DCSTAMP: variants seen among roughly 807,000 people sequenced by gnomAD.
DCSTAMP encodes the protein dendrocyte expressed seven transmembrane protein.
Under a neutral mutation model 33.8 loss-of-function variants are expected in DCSTAMP, and 25 were observed. That is an observed-to-expected ratio of 0.74 (90% CI 0.54 to 1.03). DCSTAMP has a LOEUF of 1.03. Among genes scored for constraint, DCSTAMP ranks in the 50% least tolerant of loss-of-function variants. The pLI is 0.00. For missense variants in DCSTAMP, 531 were observed against 556.8 expected (o/e 0.95, Z 0.47); for synonymous variants, 245 against 216.7 (o/e 1.13, Z -1.15).
Position 104,356,166 on chromosome 8 carries a change from C to G in DCSTAMP, c.1381C>G (p.Gln461Glu), listed in dbSNP as rs1036937032. 6.2e-7 allele frequency: 1 copy of G among 1,612,814 alleles called. No homozygotes were observed. Among genetic ancestry groups the G allele is most frequent in the African/African-American group, 1.3e-5 (1 of 74,836 alleles). Residue 461 changes from glutamine to glutamate, a missense_variant, in exon 4 of 4, where the codon CAA (glutamine) becomes GAA (glutamate). Gln to Glu is a conservative substitution (Grantham distance 29, BLOSUM62 2). Transcript: ENST00000297581. ...AGTCCTGAAAATGATTAGGAAGAAGCAAATGGACATGGCAAGTGCAGACAA... is the reference window on the plus strand; with the variant it reads ...AGTCCTGAAAATGATTAGGAAGAAGGAAATGGACATGGCAAGTGCAGACAA... ...LPVLKMIRKK[Q>E]MDMASADKS
intron 1 of DCSTAMP, among the ~76,000 whole-genome samples, chr8:104,347,716 T>C (rs1470056127): frequency 6.6e-6 from 1 of 152,198 alleles, no homozygotes; most frequent in East Asian, 1.9e-4. Flanking sequence ...TGGAATTGCC[T>C]GGTCAGGTGC....
At chr8:104,355,325 A>G (rs1810593714) in intron 3 of DCSTAMP, 140 bp downstream of exon 3, 4 of 809,750 alleles carry the variant, frequency 4.9e-6, no homozygotes, top group Non-Finnish European at 7.6e-6. Context: ...ACATTGAGGA[A>G]AAATGAACAA....
At chr8:104,349,691 C>A in intron 2 of DCSTAMP, 110 bp downstream of exon 2, 2 of 1,251,454 alleles carry the variant, frequency 1.6e-6, no homozygotes, top group South Asian at 1.5e-5. Context: ...CCTTTGCATC[C>A]TTGGTGCCCA....
intron 1 of DCSTAMP, among the ~76,000 whole-genome samples, chr8:104,341,138 T>C (rs1317904438): frequency 6.6e-6 from 1 of 152,206 alleles, no homozygotes; most frequent in African/African-American, 2.4e-5. Flanking sequence ...CATTTCTTCC[T>C]CCCACACTTT....
intron 1 of DCSTAMP, among the ~76,000 whole-genome samples, chr8:104,345,480 G>A (rs1810279267): frequency 6.6e-6 from 1 of 152,150 alleles, no homozygotes; most frequent in African/African-American, 2.4e-5. Context: ...GTGACGTGCT[G>A]TTTTTAACAC....
At chr8:104,341,391 G>A (rs556947599) in intron 1 of DCSTAMP, among the ~76,000 whole-genome samples, 5 of 152,160 alleles carry the variant, frequency 3.3e-5, no homozygotes, top group African/African-American at 4.8e-5. Context: ...CAGGAATGCC[G>A]GTCTCCTTCA....
At chr8:104,348,412 G>C (rs1810371285) in intron 1 of DCSTAMP, 129 bp from the exon 2 acceptor site, 1 of 865,474 alleles carries the variant, frequency 1.2e-6, no homozygotes, top group East Asian at 2.6e-5. Context: ...CATATTTCAA[G>C]GGAGAGGACA....
rs980787126 is a variant in DCSTAMP at position 104,348,857 on chromosome 8, G to A, written c.305G>A (p.Gly102Asp). The A allele has an allele frequency of 2.5e-6, 4 of 1,614,062 alleles. No homozygotes were observed. In the African/African-American group the frequency reaches 4.0e-5, roughly 16 times the overall value. Residue 102 changes from glycine to aspartate, a missense_variant, in exon 2 of 4, where the codon GGC becomes GAC. Coordinates refer to ENST00000297581, the MANE Select transcript of DCSTAMP (RefSeq NM_030788.4). ...GGCAGGAATGCTTTGATTGCAGCTG[G>A]CACAGGGATCGTCATCTTGGGACAC... ...REGRNALIAA[G>D]TGIVILGHVE...
Position 104,354,969 on chromosome 8 carries a change from T to A in DCSTAMP, c.1122T>A (p.Ser374=). The A allele has an allele frequency of 6.2e-7, 1 of 1,613,958 alleles. No homozygotes were observed. ...TCCCAAAACCAAAATTCCTTCTATCTGAGACCTGGGTTCCTCTCAGTGTTA... is the reference window on the plus strand; with the variant it reads ...TCCCAAAACCAAAATTCCTTCTATCAGAGACCTGGGTTCCTCTCAGTGTTA... ...NCIPKPKFLL[S]ETWVPLSVIL... Residue 374 remains serine, a synonymous_variant, in exon 3 of 4, where the codon TCT becomes TCA. Coordinates refer to ENST00000297581, the MANE Select transcript of DCSTAMP (RefSeq NM_030788.4).
chr8:104,345,330 T>C (rs955639093), intron 1 of DCSTAMP, among the ~76,000 whole-genome samples: 1 of 152,106 alleles, frequency 6.6e-6, no homozygotes, highest in Non-Finnish European at 1.5e-5. Flanking sequence ...AAGAAATCAA[T>C]GCCACAGTCA....
intron 1 of DCSTAMP, among the ~76,000 whole-genome samples, chr8:104,346,458 T>C (rs1391460521): frequency 6.6e-6 from 1 of 152,236 alleles, no homozygotes; most frequent in African/African-American, 2.4e-5. Flanking sequence ...GGCCTGTCTC[T>C]ATCTTCACCC....
chr8:104,350,769 G>A (rs112737777), intron 2 of DCSTAMP, among the ~76,000 whole-genome samples: 2 of 152,264 alleles, frequency 1.3e-5, no homozygotes, highest in African/African-American at 4.8e-5. Context: ...GCAAGGACCC[G>A]CTAACCCAGA....
At position 104,355,499 on chromosome 8, in the gene DCSTAMP, T is replaced by A. The variant is rs1053717711; in HGVS notation, c.1338+314T>A. Among the ~76,000 whole-genome samples the A allele has an allele frequency of 3.9e-5, 6 of 152,282 alleles. No homozygotes were observed. The East Asian group carries it at 7.7e-4, about 20-fold the overall frequency. On this transcript the variant is annotated intron_variant, in intron 3 of 3. Transcript: ENST00000297581. ...TAGTAAAGGACAAAGCACAGTAAGA[T>A]ATGCTTTCCTAGGTAAAGAAAAAAC... is the stretch of plus-strand genomic sequence containing the variant.
At chr8:104,346,798 C>A (rs1810326747) in intron 1 of DCSTAMP, among the ~76,000 whole-genome samples, 1 of 152,228 alleles carries the variant, frequency 6.6e-6, no homozygotes, top group Admixed American at 6.5e-5. Context: ...TTTATTTCTG[C>A]CCTTCGTTAA....
chr8:104,356,253 G>A lies in DCSTAMP; in HGVS notation c.*55G>A, dbSNP rs1182229646. On this transcript the variant is annotated 3_prime_UTR_variant, in exon 4 of 4. Coordinates refer to ENST00000297581, the MANE Select transcript of DCSTAMP (RefSeq NM_030788.4). ...CACCAACAATTCTCTTCAGGTCTAG[G>A]ATGGCAGTCACTATTCATGCCGGAT... The A allele has an allele frequency of 6.5e-7, 1 of 1,545,448 alleles. No homozygotes were observed. The highest frequency in any genetic ancestry group is 1.4e-5 in the African/African-American group (1 of 72,278).
rs1484493402 is a variant in DCSTAMP at position 104,355,176 on chromosome 8, T to A, written c.1329T>A (p.Tyr443Ter). ...AAGTCAAAAGACGGCTGAGTCTCTA[T>A]CTTACAAAGGTAAGGCCAAGATGGT... ...LGEVKRRLSL[Y>*]LTKIHFWLPV... The change falls in exon 3 of 4, where the codon TAT becomes TAA. Residue 443 changes from tyrosine to a stop codon, truncating the protein, a stop_gained. Coordinates refer to ENST00000297581, the MANE Select transcript of DCSTAMP (RefSeq NM_030788.4). LOFTEE classifies it low-confidence loss of function (END_TRUNC). 6.2e-7 allele frequency: 1 copy of A among 1,612,622 alleles called. No homozygotes were observed. The highest frequency in any genetic ancestry group is 1.1e-5 in the South Asian group (1 of 90,878).
intron 1 of DCSTAMP, 91 bp from the exon 2 acceptor site, chr8:104,348,450 T>G (rs1810372276): frequency 7.6e-7 from 1 of 1,322,968 alleles, no homozygotes; most frequent in African/African-American, 1.5e-5. Context: ...TATGGCCACG[T>G]TTTTTGTAGT....
At chr8:104,341,184 C>G (rs542168041) in intron 1 of DCSTAMP, among the ~76,000 whole-genome samples, 3 of 152,336 alleles carry the variant, frequency 2.0e-5, no homozygotes, top group Non-Finnish European at 4.4e-5. Flanking sequence ...TGCTTACCAG[C>G]TCTGGAGACA....
In DCSTAMP at chr8:104,348,765, G is replaced by A; in HGVS notation, c.213G>A (p.Leu71=). ...AAASWIITCV[L]LCCSKHARCF... is the part of the protein sequence containing the mutation. ...CCTCCTGGATTATCACGTGTGTTCTGCTGTGTTGCTCCAAGCATGCACGAT... is the reference window on the plus strand; with the variant it reads ...CCTCCTGGATTATCACGTGTGTTCTACTGTGTTGCTCCAAGCATGCACGAT... Residue 71 remains leucine (L), a synonymous_variant, in exon 2 of 4, where the codon CTG becomes CTA. Coordinates refer to ENST00000297581, the MANE Select transcript of DCSTAMP (RefSeq NM_030788.4). 1 of 1,614,182 alleles carries A rather than the reference G, an allele frequency of 6.2e-7. No homozygotes were observed. The highest frequency in any genetic ancestry group is 8.5e-7 in the Non-Finnish European group (1 of 1,180,046).
Sources: allele counts gnomAD v4.1 joint callset (sites outside exome capture counted in the v4.1 genomes callset), GRCh38; gene constraint gnomAD v4.1.1; transcripts MANE v1.5; gene names NCBI Gene and HGNC (gene_info 2026-07-23, HGNC 2026-07-21).